The following CAMTA1 variants were observed in gnomAD, a reference collection of about 807,000 sequenced individuals.
CAMTA1 encodes the protein calmodulin-binding transcription activator 1.
A neutral mutation model predicts 170.9 loss-of-function variants in CAMTA1; 27 were observed. That is an observed-to-expected ratio of 0.16 (90% confidence interval 0.12 to 0.22). The LOEUF (loss-of-function observed/expected upper bound fraction) is 0.22. Ranked by LOEUF, CAMTA1 falls within the 10% of genes least tolerant of loss-of-function variation. CAMTA1 has a pLI of 1.00. For missense variants in CAMTA1, 1,619 were observed against 2,217.2 expected (o/e 0.73, Z 5.42); for synonymous variants, 833 against 891.5 (o/e 0.93, Z 1.17).
chr1:7,364,451 T>A (rs2085809479), intron 5 of CAMTA1, among the ~76,000 whole-genome samples: 1 of 149,164 alleles, frequency 6.7e-6, no homozygotes, highest in South Asian at 2.1e-4. Flanking sequence ...GTGACTCTTT[T>A]TTTTTTTTTT....
intron 6 of CAMTA1, among the ~76,000 whole-genome samples, chr1:7,636,042 C>T (rs2095709641): frequency 6.6e-6 from 1 of 152,202 alleles, no homozygotes. Context: ...TCCTGCATCT[C>T]CTGAGCCTCC....
At chr1:7,270,289 A>ATTTTTT (rs1395986038) in intron 5 of CAMTA1, among the ~76,000 whole-genome samples, 1,909 of 112,562 alleles carry the variant, frequency 0.017, 113 homozygotes, top group African/African-American at 0.065. Flanking sequence ...ATATATATAT[A>ATTTTTT]TATTTTTTTT....
chr1:7,151,270 T>G (rs1383720995), intron 4 of CAMTA1, among the ~76,000 whole-genome samples: 1 of 152,224 alleles, frequency 6.6e-6, no homozygotes, highest in Non-Finnish European at 1.5e-5. Context: ...GGAGAGGGCT[T>G]CCTCTGAAAT....
intron 3 of CAMTA1, among the ~76,000 whole-genome samples, chr1:7,042,930 G>A (rs1204415909): frequency 2.0e-5 from 3 of 152,230 alleles, no homozygotes; most frequent in Non-Finnish European, 2.9e-5. Flanking sequence ...GTAGAAAGCA[G>A]GTGTTTCTGA....
At chr1:7,678,498 C>T (rs913010978) in intron 11 of CAMTA1, among the ~76,000 whole-genome samples, 3 of 152,166 alleles carry the variant, frequency 2.0e-5, no homozygotes, top group Admixed American at 1.3e-4. Context: ...TTGGTGGTTC[C>T]CCTTGGGGTA....
At chr1:7,250,458 A>G (rs1480163983) in intron 5 of CAMTA1, among the ~76,000 whole-genome samples, 1 of 152,212 alleles carries the variant, frequency 6.6e-6, no homozygotes, top group Non-Finnish European at 1.5e-5. Flanking sequence ...CCCGGAGCTG[A>G]GAAGCTGGCT....
At chr1:6,820,130 A>T (rs554491312) in intron 1 of CAMTA1, 51 bp from the exon 2 acceptor site, 1 of 1,114,146 alleles carries the variant, frequency 9.0e-7, no homozygotes, top group East Asian at 2.4e-5. Flanking sequence ...GAAGAGCCAG[A>T]TTATATCTTT....
At chr1:7,605,748 G>A (rs1287594662) in intron 6 of CAMTA1, among the ~76,000 whole-genome samples, 1 of 152,220 alleles carries the variant, frequency 6.6e-6, no homozygotes, top group Admixed American at 6.5e-5. Context: ...AGTTGGAAAT[G>A]CAGAAATCAC....
chr1:7,074,320 C>T (rs554492958), intron 3 of CAMTA1, among the ~76,000 whole-genome samples: 4 of 152,278 alleles, frequency 2.6e-5, no homozygotes, highest in African/African-American at 9.6e-5. Context: ...CAAAATGGCA[C>T]ATTTCAAGAT....
chr1:7,690,928 C>T (rs1224017858), intron 11 of CAMTA1, among the ~76,000 whole-genome samples: 2 of 152,216 alleles, frequency 1.3e-5, no homozygotes, highest in East Asian at 1.9e-4. Context: ...CCTTGCTTCC[C>T]GGTTATTCAC....
At chr1:7,670,817 C>G in intron 9 of CAMTA1, 94 bp from the exon 10 acceptor site, 1 of 1,434,022 alleles carries the variant, frequency 7.0e-7, no homozygotes, top group Non-Finnish European at 9.7e-7. Flanking sequence ...GGTACAGACC[C>G]CCATCTGAGC....
At chr1:7,703,522 G>A (rs1479516968) in intron 11 of CAMTA1, among the ~76,000 whole-genome samples, 1 of 152,134 alleles carries the variant, frequency 6.6e-6, no homozygotes, top group Non-Finnish European at 1.5e-5. Context: ...TCTAACCAGC[G>A]ATTCCTCATT....
intron 5 of CAMTA1, among the ~76,000 whole-genome samples, chr1:7,465,861 A>G (rs768619792): frequency 5.3e-5 from 8 of 152,210 alleles, no homozygotes; most frequent in Non-Finnish European, 8.8e-5. Flanking sequence ...GTGAAAACCA[A>G]CCACGGTCTT....
chr1:7,287,132 A>G (rs757253402), intron 5 of CAMTA1, among the ~76,000 whole-genome samples: 1 of 152,144 alleles, frequency 6.6e-6, no homozygotes, highest in Non-Finnish European at 1.5e-5. Context: ...TTATCAGGAA[A>G]CACTCGGCAA....
Position 7,463,120 on chromosome 1 carries a change from G to A in CAMTA1, c.439-4710G>A, listed in dbSNP as rs1001700742. ...GGGGCCGGGGGTTCATGTGAGCAGG[G>A]ACACGGGGAGGGCTGCCCTGTGGCC... On this transcript the variant is annotated intron_variant, in intron 5 of 22. Transcript: ENST00000303635. This position sits in a 1 kb window ranked among gnomAD's most constrained non-coding sequence, Gnocchi z 4.7. 6.6e-6 allele frequency among the ~76,000 whole-genome samples: 1 copy of A among 152,220 alleles called. No individual in the cohort carries two copies. Among genetic ancestry groups the A allele is most frequent in the Non-Finnish European group, 1.5e-5 (1 of 68,040 alleles).
At chr1:7,765,822 C>G (rs780071594) in intron 22 of CAMTA1, among the ~76,000 whole-genome samples, 2 of 152,008 alleles carry the variant, frequency 1.3e-5, no homozygotes, top group East Asian at 1.9e-4. Context: ...GTCAGGAGAT[C>G]GAAACCATCC....
At position 7,249,721 on chromosome 1, in the gene CAMTA1, T is replaced by C. The variant is rs1256702049; in HGVS notation, c.438+95T>C. 2.1e-6 allele frequency: 3 copies of C among 1,423,926 alleles called. No homozygotes were observed. The highest frequency in any genetic ancestry group is 2.9e-5 in the African/African-American group (2 of 69,758). 88.2% of individuals were successfully genotyped at this position (1,423,926 alleles called of 1,614,324 possible). ...TTGGAGTAATTTGATGCGAGTCACC[T>C]CTGTCCAAAGAATTTTTGTTTGCCA... On this transcript the variant is annotated intron_variant, in intron 5 of 22. Coordinates refer to ENST00000303635, the MANE Select transcript of CAMTA1 (RefSeq NM_015215.4). This position sits in a 1 kb window ranked among gnomAD's most constrained non-coding sequence, Gnocchi z 4.4.
At position 7,665,883 on chromosome 1, in the gene CAMTA1, A is replaced by C. The variant is rs1301466104; in HGVS notation, c.2652+684A>C. 1.3e-5 allele frequency among the ~76,000 whole-genome samples: 2 copies of C among 151,596 alleles called. No homozygotes were observed. Among genetic ancestry groups the C allele is most frequent in the East Asian group, 3.9e-4 (2 of 5,120 alleles). On this transcript the variant is annotated intron_variant, in intron 9 of 22. Transcript: ENST00000303635. This position sits in a 1 kb window ranked among gnomAD's most constrained non-coding sequence, Gnocchi z 4.3. Reference sequence around the variant, plus strand: ...TGCTTAAAAAAATTCAAAAGTCACCATTGGCCGGGCTCAGTGGCTCATGCC... The same window carrying C: ...TGCTTAAAAAAATTCAAAAGTCACCCTTGGCCGGGCTCAGTGGCTCATGCC...
intron 5 of CAMTA1, among the ~76,000 whole-genome samples, chr1:7,352,195 G>T (rs1188306969): frequency 6.6e-6 from 1 of 152,036 alleles, no homozygotes; most frequent in Non-Finnish European, 1.5e-5. Flanking sequence ...GGGGAAGAAG[G>T]AAAAGTGAGG....
Sources: allele counts gnomAD v4.1 joint callset (sites outside exome capture counted in the v4.1 genomes callset), GRCh38; gene constraint gnomAD v4.1.1; non-coding constraint Gnocchi (gnomAD v3.1); transcripts MANE v1.5; gene names NCBI Gene and HGNC (gene_info 2026-07-23, HGNC 2026-07-21).